FRMPD4: variants seen among roughly 807,000 people sequenced by gnomAD.
FRMPD4 encodes the protein FERM and PDZ domain containing 4, also known as FERM and PDZ domain-containing protein 4.
FRMPD4 carries 22 observed loss-of-function variants against 94.1 expected under a neutral mutation model. The ratio of observed to expected loss-of-function variants is 0.23; its 90% CI spans 0.17 to 0.33. FRMPD4 has a LOEUF of 0.33. FRMPD4 is among the 10% of genes least tolerant of loss of function. The pLI, the probability that FRMPD4 is intolerant of heterozygous loss-of-function variation, is 1.00. For synonymous variants in FRMPD4, 631 were observed against 548.6 expected, an observed-to-expected ratio of 1.15 and a Z score of -2.10; for missense variants, 1,111 against 1,339.9, an observed-to-expected ratio of 0.83 and a Z score of 2.67.
intron 1 of FRMPD4, among the ~76,000 whole-genome samples, chrX:12,157,899 A>G (rs2055960203): frequency 8.9e-6 from 1 of 111,945 alleles, no homozygotes; most frequent in African/African-American, 3.2e-5. Context: ...TAGTGAGTCA[A>G]AAGGTGTGAG....
intron 1 of FRMPD4, among the ~76,000 whole-genome samples, chrX:11,850,261 A>G (rs887712065): frequency 8.0e-5 from 9 of 112,517 alleles, no homozygotes; most frequent in African/African-American, 2.9e-4. Flanking sequence ...CACTATTAAA[A>G]ACAAAGAAAC....
intron 1 of FRMPD4, among the ~76,000 whole-genome samples, chrX:11,855,530 C>T (rs1439189944): frequency 8.9e-6 from 1 of 112,184 alleles, no homozygotes; most frequent in African/African-American, 3.2e-5. Context: ...CCACCAGATA[C>T]CCTAAATCAT....
intron 3 of FRMPD4, among the ~76,000 whole-genome samples, chrX:11,979,540 T>A (rs1195281421): frequency 8.9e-6 from 1 of 112,198 alleles, no homozygotes; most frequent in African/African-American, 3.2e-5. Flanking sequence ...ATGCTTGGCA[T>A]TATCCAAATT....
intron 3 of FRMPD4, among the ~76,000 whole-genome samples, chrX:11,921,951 C>T (rs1199895994): frequency 9.0e-6 from 1 of 111,444 alleles, no homozygotes; most frequent in Non-Finnish European, 1.9e-5. Context: ...CTCTTTGTAT[C>T]ATGAGGGTAG....
At chrX:12,221,599 G>A (rs923065127) in intron 1 of FRMPD4, among the ~76,000 whole-genome samples, 6 of 112,238 alleles carry the variant, frequency 5.3e-5, no homozygotes, top group Non-Finnish European at 1.1e-4. Context: ...TAGACTGTCC[G>A]ACTGGAGTCA....
intron 1 of FRMPD4, among the ~76,000 whole-genome samples, chrX:12,189,588 A>G (rs746021694): frequency 8.9e-6 from 1 of 112,132 alleles, no homozygotes; most frequent in Non-Finnish European, 1.9e-5. Context: ...TTTATCCCAG[A>G]TATGCAAGTC....
chrX:12,077,762 T>TTC (rs745971579), intron 3 of FRMPD4, among the ~76,000 whole-genome samples: 79 of 108,079 alleles, frequency 7.3e-4, no homozygotes, highest in African/African-American at 1.2e-3. Context: ...ACCTGCAGAC[T>TTC]TCTCTCTCTC....
At chrX:12,553,466 A>ATCTC (rs59865950) in intron 2 of FRMPD4, among the ~76,000 whole-genome samples, 2 of 78,059 alleles carry the variant, frequency 2.6e-5, no homozygotes, top group East Asian at 4.4e-4. Flanking sequence ...ATATATATAT[A>ATCTC]TCTAATCCAC....
intron 1 of FRMPD4, among the ~76,000 whole-genome samples, chrX:12,326,735 G>A (rs760860968): frequency 1.8e-5 from 2 of 111,272 alleles, no homozygotes; most frequent in African/African-American, 6.5e-5. Flanking sequence ...GCTTTGGGAG[G>A]CCAAGGTTTT....
At chrX:12,585,727 C>T (rs1292038069) in intron 2 of FRMPD4, among the ~76,000 whole-genome samples, 3 of 112,200 alleles carry the variant, frequency 2.7e-5, no homozygotes, top group Non-Finnish European at 3.8e-5. Flanking sequence ...TCACTAGTCA[C>T]ATGAGGACTG....
At chrX:12,474,571 A>G (rs993798670) in intron 1 of FRMPD4, among the ~76,000 whole-genome samples, 1 of 111,936 alleles carries the variant, frequency 8.9e-6, no homozygotes, top group African/African-American at 3.3e-5. Context: ...TAGTAAGACT[A>G]ATAAAGAAGA....
chrX:12,391,040 C>T (rs747646853), intron 1 of FRMPD4, among the ~76,000 whole-genome samples: 105 of 112,249 alleles, frequency 9.4e-4, no homozygotes, highest in African/African-American at 3.2e-3. Flanking sequence ...ACAATCCAAA[C>T]CCCTTATCTT....
At chrX:11,987,109 A>C (rs988108232) in intron 3 of FRMPD4, among the ~76,000 whole-genome samples, 1 of 72,431 alleles carries the variant, frequency 1.4e-5, no homozygotes, top group African/African-American at 4.2e-5. Context: ...AAAAAAAAAA[A>C]AAAAAAAAAA....
chrX:12,291,919 C>T (rs546798016), intron 1 of FRMPD4, among the ~76,000 whole-genome samples: 1 of 112,057 alleles, frequency 8.9e-6, no homozygotes, highest in East Asian at 2.8e-4. Flanking sequence ...ACAAAAGAAA[C>T]AGCACTTGTT....
intron 3 of FRMPD4, among the ~76,000 whole-genome samples, chrX:11,934,674 A>G (rs1197623477): frequency 8.9e-6 from 1 of 112,048 alleles, no homozygotes; most frequent in African/African-American, 3.2e-5. Flanking sequence ...TGAGTTACAT[A>G]CATGTGTTCC....
chrX:11,851,376 G>A (rs747635723), intron 1 of FRMPD4, among the ~76,000 whole-genome samples: 2 of 111,303 alleles, frequency 1.8e-5, no homozygotes, highest in East Asian at 5.7e-4. Context: ...CAGATTACTG[G>A]AAGAGTAAAC....
chrX:12,583,544 C>T (rs917774996), intron 2 of FRMPD4: 3 of 925,113 alleles, frequency 3.2e-6, no homozygotes, highest in African/African-American at 3.8e-5. Flanking sequence ...TCCTCATAAC[C>T]AAAACCACGC....
intron 1 of FRMPD4, among the ~76,000 whole-genome samples, chrX:12,458,014 T>C (rs2057352000): frequency 9.0e-6 from 1 of 111,722 alleles, no homozygotes; most frequent in Admixed American, 9.5e-5. Flanking sequence ...GCCTAGACAA[T>C]TTGTACAATG....
At chrX:11,867,272 C>T (rs2053725900) in intron 2 of FRMPD4, among the ~76,000 whole-genome samples, 1 of 111,834 alleles carries the variant, frequency 8.9e-6, no homozygotes, top group African/African-American at 3.2e-5. Context: ...ATAGTAGAAG[C>T]AGAAATGTAA....
Sources: gnomAD v4.1 joint callset for allele counts (sites outside exome capture counted in the v4.1 genomes callset) on GRCh38, gnomAD v4.1.1 for gene constraint, MANE v1.5 for transcripts, NCBI Gene and HGNC (gene_info 2026-07-23, HGNC 2026-07-21) for gene names.